SCG5: variants seen among roughly 807,000 people sequenced by gnomAD.
The protein encoded by SCG5 is secretogranin V.
Under a neutral mutation model 25.7 loss-of-function variants are expected in SCG5, and 18 were observed. That is an observed-to-expected ratio of 0.70 (90% CI 0.48 to 1.04). SCG5 has a LOEUF of 1.04. Ranked by LOEUF, SCG5 falls within the 50% of genes least tolerant of loss-of-function variation. The pLI, the probability that SCG5 is intolerant of heterozygous loss-of-function variation, is 0.00. For missense variants in SCG5, 206 were observed against 259.8 expected (o/e 0.79, Z 1.42); for synonymous variants, 101 against 91.7 (o/e 1.10, Z -0.58).
intron 2 of SCG5, among the ~76,000 whole-genome samples, chr15:32,679,060 A>G (rs1348335154): frequency 6.6e-6 from 1 of 152,086 alleles, no homozygotes; most frequent in Admixed American, 6.6e-5. Flanking sequence ...TCCTTTCTTG[A>G]CCCAAGTCCT....
intron 4 of SCG5, among the ~76,000 whole-genome samples, 154 bp from the exon 5 acceptor site, chr15:32,691,556 C>T (rs2054857221): frequency 6.6e-6 from 1 of 152,228 alleles, no homozygotes; most frequent in African/African-American, 2.4e-5. Context: ...TGTGGTCTAT[C>T]TTTCTGACAC....
At chr15:32,645,783 C>G (rs1400850500) in intron 2 of SCG5, among the ~76,000 whole-genome samples, 2 of 152,152 alleles carry the variant, frequency 1.3e-5, no homozygotes, top group African/African-American at 4.8e-5. Context: ...AACTCTGTTT[C>G]CCTTATTACC....
chr15:32,687,074 AGGAG>A (rs56274786), intron 4 of SCG5, among the ~76,000 whole-genome samples: 37,933 of 151,894 alleles, frequency 0.25, 5,360 homozygotes, highest in Admixed American at 0.33. Context: ...AGAGAAAGAA[AGGAG>A]GGAGACTGAG....
intron 5 of SCG5, among the ~76,000 whole-genome samples, chr15:32,694,902 G>A (rs1326529374): frequency 1.2e-4 from 19 of 152,196 alleles, no homozygotes; most frequent in Admixed American, 1.2e-3. Flanking sequence ...GTCATGGCAG[G>A]TTATTTCATG....
At chr15:32,684,981 C>A (rs765325694) in intron 4 of SCG5, among the ~76,000 whole-genome samples, 1 of 152,176 alleles carries the variant, frequency 6.6e-6, no homozygotes, top group Non-Finnish European at 1.5e-5. Context: ...TTTCATGCAT[C>A]TCTATAGGGT....
At chr15:32,655,489 G>T (rs2054103030) in intron 2 of SCG5, among the ~76,000 whole-genome samples, 1 of 152,096 alleles carries the variant, frequency 6.6e-6, no homozygotes. Flanking sequence ...GCTGGTGGGT[G>T]CCCCCAAGCT....
intron 5 of SCG5, 110 bp from the exon 6 acceptor site, chr15:32,696,404 A>C (rs1011668233): frequency 2.7e-6 from 2 of 752,162 alleles, no homozygotes; most frequent in Admixed American, 2.2e-5. Context: ...GGCGTGAGCC[A>C]CCGCGCCCGG....
At chr15:32,657,356 A>G (rs1056750121) in intron 2 of SCG5, among the ~76,000 whole-genome samples, 2 of 150,304 alleles carry the variant, frequency 1.3e-5, no homozygotes, top group African/African-American at 2.4e-5. Flanking sequence ...ACCTGGCCTT[A>G]AGTGCTCTGC....
Position 32,688,014 on chromosome 15 carries a change from T to C in SCG5, c.489+3345T>C, listed in dbSNP as rs572908986. ...TTCAATCTGCCCATCCTTGTCATTC[T>C]CACTTTCCAGATGAGAAAATGCAGG... On this transcript the variant is annotated intron_variant, in intron 4 of 5. Transcript: ENST00000300175. Among the ~76,000 whole-genome samples the C allele has an allele frequency of 5.3e-5, 8 of 152,328 alleles. 1 individual carries two copies. The South Asian group carries it at 1.7e-3, about 32-fold the overall frequency.
chr15:32,688,071 A>G (rs1439114556), intron 4 of SCG5, among the ~76,000 whole-genome samples: 2 of 152,236 alleles, frequency 1.3e-5, no homozygotes, highest in Non-Finnish European at 2.9e-5. Context: ...CTCAGCCCAC[A>G]GAGCTGGGAT....
rs548295458 is a variant in SCG5, at chr15:32,647,110, T to C, written c.226+3292T>C. On this transcript the variant is annotated intron_variant, in intron 2 of 5. Coordinates refer to ENST00000300175, the MANE Select transcript of SCG5 (RefSeq NM_001144757.3). ...ACTAATATGACCTTGGGCAAGTTAC[T>C]TAACTCCTATAACCTTCTGTTTAGC... Among the ~76,000 whole-genome samples the C allele has an allele frequency of 2.6e-4, 40 of 152,356 alleles. No individual in the cohort carries two copies. The South Asian group carries it at 4.1e-3, about 16-fold the overall frequency.
At chr15:32,679,981 C>G (rs951317875) in intron 3 of SCG5, 66 bp downstream of exon 3, 3 of 1,378,410 alleles carry the variant, frequency 2.2e-6, no homozygotes, top group African/African-American at 1.4e-5. Flanking sequence ...GAAATTCTAA[C>G]ATCAGCTACA....
chr15:32,679,907 G>C lies in SCG5; in HGVS notation c.368G>C (p.Gly123Ala). 1 of 1,608,560 alleles carries C rather than the reference G, an allele frequency of 6.2e-7. No homozygotes were observed. The highest frequency in any genetic ancestry group is 8.5e-7 in the Non-Finnish European group (1 of 1,177,972). The change falls in exon 3 of 6, where the codon GGA (glycine) becomes GCA (alanine). Residue 123 changes from glycine (G) to alanine (A), a missense_variant. Coordinates refer to ENST00000300175, the MANE Select transcript of SCG5 (RefSeq NM_001144757.3). ...GACCCTCCAAATCCCTGTCCTGTTG[G>C]AAAAACAGGTAACAGATATGCCTTT... ...YPDPPNPCPVGKTADDGCLEN... is the reference protein window; with the variant it reads ...YPDPPNPCPVAKTADDGCLEN...
At chr15:32,656,590 A>G (rs2054121538) in intron 2 of SCG5, among the ~76,000 whole-genome samples, 3 of 152,230 alleles carry the variant, frequency 2.0e-5, no homozygotes, top group African/African-American at 7.2e-5. Context: ...GCTGTCTTCT[A>G]TCCTGGTAGA....
chr15:32,653,076 AT>A (rs2054059025), intron 2 of SCG5, among the ~76,000 whole-genome samples: 1 of 152,272 alleles, frequency 6.6e-6, no homozygotes, highest in Admixed American at 6.5e-5. Context: ...AATGTAAAAA[AT>A]TAGCACAGCC....
chr15:32,678,866 G>A (rs1394733002), intron 2 of SCG5, among the ~76,000 whole-genome samples: 13 of 152,158 alleles, frequency 8.5e-5, no homozygotes, highest in Admixed American at 7.9e-4. Flanking sequence ...GCAGCCAAAT[G>A]GAAAGATGCT....
intron 2 of SCG5, among the ~76,000 whole-genome samples, chr15:32,661,925 GT>G (rs1432775884): frequency 1.3e-5 from 2 of 152,118 alleles, no homozygotes; most frequent in African/African-American, 4.8e-5. Flanking sequence ...CTTCCAGTCT[GT>G]TTTCTGTGCA....
rs149578878 is a variant in SCG5, at chr15:32,651,350, C to T, written c.226+7532C>T. On this transcript the variant is annotated intron_variant, in intron 2 of 5. Coordinates refer to ENST00000300175, the MANE Select transcript of SCG5 (RefSeq NM_001144757.3). ...GTGGATGATAGGCTACTTGAAGAGG[C>T]AGATCCTAGGAGCCTCTACTCTGCC... Among the ~76,000 whole-genome samples, 181 of 152,098 alleles carry T rather than the reference C, an allele frequency of 1.2e-3. No individual in the cohort carries two copies. The Middle Eastern group carries it at 0.024, about 20-fold the overall frequency.
intron 2 of SCG5, among the ~76,000 whole-genome samples, chr15:32,661,630 A>G (rs1340416899): frequency 1.3e-5 from 2 of 152,164 alleles, no homozygotes; most frequent in Non-Finnish European, 2.9e-5. Context: ...ACAAAAAAAA[A>G]GAGAAGAAAG....
Sources: gnomAD v4.1 joint callset for allele counts (sites outside exome capture counted in the v4.1 genomes callset) on GRCh38, gnomAD v4.1.1 for gene constraint, MANE v1.5 for transcripts, NCBI Gene and HGNC (gene_info 2026-07-23, HGNC 2026-07-21) for gene names.